Variants in OSMR observed in about 807,000 individuals in gnomAD.
The protein encoded by OSMR is oncostatin-M-specific receptor subunit beta.
OSMR carries 81 observed loss-of-function variants against 99.9 expected under a neutral mutation model. The ratio of observed to expected loss-of-function variants is 0.81; its 90% CI spans 0.68 to 0.97. The LOEUF is 0.97. Ranked by LOEUF, OSMR falls within the 50% of genes least tolerant of loss-of-function variation. The pLI is 0.00. For missense variants in OSMR, 1,099 were observed against 1,153.4 expected (o/e 0.95, Z 0.68); for synonymous variants, 406 against 410.4 (o/e 0.99, Z 0.13).
chr5:38,868,777 A>G (rs1742142394), intron 1 of OSMR: 1 of 152,626 alleles, frequency 6.6e-6, no homozygotes, highest in South Asian at 2.1e-4. Context: ...AAGAGTAGGT[A>G]GAAACTGGCA....
intron 14 of OSMR, 79 bp downstream of exon 14, chr5:38,924,674 C>A: frequency 2.4e-6 from 3 of 1,239,450 alleles, no homozygotes; most frequent in Non-Finnish European, 3.6e-6. Context: ...TGGCTGCCAT[C>A]TCAGACTGTG....
chr5:38,921,417 G>A (rs1012595119), intron 11 of OSMR, 198 bp from the exon 12 acceptor site: 1 of 878,690 alleles, frequency 1.1e-6, no homozygotes, highest in Non-Finnish European at 1.4e-6. Context: ...TGAAGGGCAG[G>A]TGTGAATATT....
intron 1 of OSMR, chr5:38,942,261 T>A (rs372093556): frequency 8.5e-7 from 1 of 1,170,924 alleles, no homozygotes; most frequent in Non-Finnish European, 1.2e-6. Context: ...TCCACAAATA[T>A]GAATATATAT....
intron 7 of OSMR, chr5:38,886,470 C>T (rs1437528766): frequency 8.6e-6 from 5 of 580,682 alleles, no homozygotes; most frequent in Non-Finnish European, 1.3e-5. Flanking sequence ...CTGTAACGCC[C>T]CCACCTTCGC....
At chr5:38,852,593 C>T (rs1345082244) in intron 1 of OSMR, among the ~76,000 whole-genome samples, 1 of 151,914 alleles carries the variant, frequency 6.6e-6, no homozygotes, top group East Asian at 1.9e-4. Flanking sequence ...TTTGTATTTC[C>T]CTCTTTTCAT....
intron 1 of OSMR, chr5:38,941,145 C>G (rs914225079): frequency 4.3e-6 from 1 of 232,698 alleles, no homozygotes; most frequent in Non-Finnish European, 8.5e-6. Context: ...AAAACCTTGC[C>G]CTCATCAACT....
At chr5:38,894,888 T>A (rs1332476358) in intron 7 of OSMR, among the ~76,000 whole-genome samples, 1 of 151,716 alleles carries the variant, frequency 6.6e-6, no homozygotes, top group Non-Finnish European at 1.5e-5. Context: ...ACTCCACCCA[T>A]CAACCACAGA....
In OSMR at chr5:38,883,993, A is replaced by G. The variant is rs1393635834; in HGVS notation, c.585A>G (p.Val195=). 1.2e-6 allele frequency: 2 copies of G among 1,612,888 alleles called. No individual in the cohort carries two copies. The highest frequency in any genetic ancestry group is 8.5e-7 in the Non-Finnish European group (1 of 1,178,942). ...QIHGEQLDPH[V]TAFNLNSVPF... is the part of the protein sequence containing the mutation. ...ATGGAGAACAACTTGATCCACATGT[A>G]ACTGCATTCAACTTGAATAGTGTGC... Residue 195 remains valine, a synonymous_variant, in exon 5 of 18, where the codon GTA becomes GTG. Transcript: ENST00000274276.
At chr5:38,912,909 A>G (rs1745678392) in intron 9 of OSMR, among the ~76,000 whole-genome samples, 1 of 152,162 alleles carries the variant, frequency 6.6e-6, no homozygotes, top group African/African-American at 2.4e-5. Flanking sequence ...ACCTTTCACC[A>G]TGTAGAAAAA....
At chr5:38,920,686 C>A (rs749531269) in intron 11 of OSMR, among the ~76,000 whole-genome samples, 64 of 152,102 alleles carry the variant, frequency 4.2e-4, no homozygotes, top group Non-Finnish European at 7.2e-4. Flanking sequence ...TTAGGATTGC[C>A]AGGTAAAATA....
chr5:38,879,347 C>T (rs1743080202), intron 3 of OSMR, among the ~76,000 whole-genome samples: 1 of 152,114 alleles, frequency 6.6e-6, no homozygotes, highest in Non-Finnish European at 1.5e-5. Flanking sequence ...TTTTTTTATC[C>T]CAAGGGCAAT....
At chr5:38,868,116 C>T (rs1379567317) in intron 1 of OSMR, among the ~76,000 whole-genome samples, 1 of 152,182 alleles carries the variant, frequency 6.6e-6, no homozygotes, top group Non-Finnish European at 1.5e-5. Flanking sequence ...ATATTTAACT[C>T]TTGTTTCTCT....
intron 9 of OSMR, 54 bp downstream of exon 9, chr5:38,904,557 TG>T: frequency 6.2e-7 from 1 of 1,610,018 alleles, no homozygotes. Flanking sequence ...GGAGTTAGAC[TG>T]GTTTCCTTAA....
At chr5:38,857,042 T>G (rs1378450009) in intron 1 of OSMR, among the ~76,000 whole-genome samples, 1 of 152,220 alleles carries the variant, frequency 6.6e-6, no homozygotes, top group Non-Finnish European at 1.5e-5. Flanking sequence ...TTGTGTTGCT[T>G]GACAGCTTTT....
chr5:38,933,244 A>T lies in OSMR; in HGVS notation c.2740A>T (p.Ser914Cys). 1 of 1,614,210 alleles carries T rather than the reference A, an allele frequency of 6.2e-7. No homozygotes were observed. The highest frequency in any genetic ancestry group is 8.5e-7 in the Non-Finnish European group (1 of 1,180,024). ...SLGEIPAGET[S>C]LNYVSQLASP... Reference sequence around the variant, plus strand: ...GGGAGAAATCCCAGCTGGAGAAACAAGTTTGAATTATGTGTCCCAGTTGGC... The same window carrying T: ...GGGAGAAATCCCAGCTGGAGAAACATGTTTGAATTATGTGTCCCAGTTGGC... The change falls in exon 18 of 18, where the codon AGT becomes TGT. Residue 914 changes from serine to cysteine, a missense_variant. Physicochemically the swap from Ser to Cys is moderately radical, Grantham distance 112 (BLOSUM62 -1). Transcript: ENST00000274276.
At chr5:38,910,527 C>A (rs1745510750) in intron 9 of OSMR, among the ~76,000 whole-genome samples, 1 of 152,128 alleles carries the variant, frequency 6.6e-6, no homozygotes, top group Admixed American at 6.5e-5. Flanking sequence ...CAGGCAACAG[C>A]ACAATAAAAA....
chr5:38,914,781 T>C (rs974023259), intron 9 of OSMR, among the ~76,000 whole-genome samples: 16 of 152,018 alleles, frequency 1.1e-4, no homozygotes, highest in African/African-American at 3.9e-4. Context: ...GAACTGAACA[T>C]TGGGTATTCA....
At chr5:38,879,509 G>A (rs1743096386) in intron 3 of OSMR, among the ~76,000 whole-genome samples, 1 of 152,140 alleles carries the variant, frequency 6.6e-6, no homozygotes, top group South Asian at 2.1e-4. Context: ...GCATTTAAGG[G>A]ACAGAAGGGA....
chr5:38,890,551 C>T (rs1361047292), intron 7 of OSMR, among the ~76,000 whole-genome samples: 1 of 151,404 alleles, frequency 6.6e-6, no homozygotes, highest in Non-Finnish European at 1.5e-5. Flanking sequence ...CTTAGGTGTA[C>T]AAGGCTAGGT....
Sources: allele counts gnomAD v4.1 joint callset (sites outside exome capture counted in the v4.1 genomes callset), GRCh38; gene constraint gnomAD v4.1.1; transcripts MANE v1.5; gene names NCBI Gene and HGNC (gene_info 2026-07-23, HGNC 2026-07-21).